Variants in BNC2 observed in about 807,000 individuals in gnomAD.
BNC2 encodes zinc finger protein basonuclin-2.
Under a neutral mutation model 76.3 loss-of-function variants are expected in BNC2, and 20 were observed. The observed-to-expected ratio is 0.26, with a 90% CI of 0.18 to 0.38. BNC2 has a LOEUF of 0.38. Among genes scored for constraint, BNC2 ranks in the 10% least tolerant of loss-of-function variants. The pLI is 1.00. For missense variants in BNC2, 1,382 were observed against 1,399.8 expected (o/e 0.99, Z 0.20); for synonymous variants, 582 against 514.8 (o/e 1.13, Z -1.77).
intron 1 of BNC2, among the ~76,000 whole-genome samples, chr9:16,811,237 A>AAAAAAAAAAAAAAAAAAAACC (rs796981394): frequency 6.9e-6 from 1 of 145,248 alleles, no homozygotes; most frequent in African/African-American, 2.7e-5. Flanking sequence ...GACCAAAAAA[A>AAAAAAAAAAAAAAAAAAAACC]AAAAAAACCA....
chr9:16,496,339 T>G (rs1177067956), intron 5 of BNC2, among the ~76,000 whole-genome samples: 4 of 152,214 alleles, frequency 2.6e-5, no homozygotes, highest in African/African-American at 9.6e-5. Flanking sequence ...AGTCTACATT[T>G]TCTCCCTAGT....
intron 3 of BNC2, among the ~76,000 whole-genome samples, chr9:16,725,126 C>A (rs1824271266): frequency 6.6e-6 from 1 of 151,918 alleles, no homozygotes. Flanking sequence ...GTAACAAAAA[C>A]TAGCGTAACT....
At chr9:16,659,835 T>C (rs1822056742) in intron 3 of BNC2, among the ~76,000 whole-genome samples, 1 of 152,150 alleles carries the variant, frequency 6.6e-6, no homozygotes, top group East Asian at 1.9e-4. Context: ...TCTCTGCTTT[T>C]TTCTTCATAG....
chr9:16,564,945 A>T (rs1819126810), intron 4 of BNC2, among the ~76,000 whole-genome samples: 1 of 152,032 alleles, frequency 6.6e-6, no homozygotes, highest in Non-Finnish European at 1.5e-5. Flanking sequence ...ATCTCTGACT[A>T]CTTTCCCTTG....
intron 3 of BNC2, among the ~76,000 whole-genome samples, chr9:16,683,402 C>A (rs531398378): frequency 6.6e-6 from 1 of 152,286 alleles, no homozygotes; most frequent in East Asian, 1.9e-4. Flanking sequence ...CAAACCGCTG[C>A]TCCTAAATTG....
At chr9:16,693,951 T>C (rs541001828) in intron 3 of BNC2, among the ~76,000 whole-genome samples, 2 of 152,354 alleles carry the variant, frequency 1.3e-5, no homozygotes, top group East Asian at 3.9e-4. Context: ...CTTCTCTACC[T>C]ATCTTTCCGC....
chr9:16,508,882 G>T, intron 5 of BNC2, among the ~76,000 whole-genome samples: 1 of 151,152 alleles, frequency 6.6e-6, no homozygotes, highest in East Asian at 2.0e-4. Flanking sequence ...GGGTGCAGTG[G>T]CACAATTAGC....
At chr9:16,737,138 C>T (rs1824696349) in intron 2 of BNC2, among the ~76,000 whole-genome samples, 1 of 151,116 alleles carries the variant, frequency 6.6e-6, no homozygotes, top group South Asian at 2.1e-4. Context: ...TAGGATCTTG[C>T]TCTATCGCCC....
intron 3 of BNC2, among the ~76,000 whole-genome samples, chr9:16,647,024 G>A (rs935202735): frequency 6.6e-6 from 1 of 152,092 alleles, no homozygotes; most frequent in African/African-American, 2.4e-5. Flanking sequence ...TATTACATGT[G>A]GGGGAAAGGG....
intron 5 of BNC2, among the ~76,000 whole-genome samples, chr9:16,497,814 C>T (rs1421827933): frequency 2.6e-5 from 4 of 151,922 alleles, no homozygotes; most frequent in Non-Finnish European, 5.9e-5. Context: ...TACAGAAAAA[C>T]GCAGGTTAGC....
intron 4 of BNC2, chr9:16,580,160 G>A: frequency 2.5e-6 from 1 of 398,584 alleles, no homozygotes. Context: ...TGTGCAGAGA[G>A]AGGGAATGAA....
intron 4 of BNC2, among the ~76,000 whole-genome samples, chr9:16,557,992 T>C (rs1031564124): frequency 7.9e-5 from 12 of 152,024 alleles, no homozygotes; most frequent in Non-Finnish European, 1.5e-4. Flanking sequence ...TAGAGGTGCA[T>C]GCCACCATAC....
At position 16,830,583 on chromosome 9, in the gene BNC2, T is replaced by G. The variant is rs1187840909; in HGVS notation, c.3+40063A>C. Among the ~76,000 whole-genome samples the G allele has an allele frequency of 2.0e-5, 3 of 152,210 alleles. No individual in the cohort carries two copies. In the East Asian group the frequency reaches 5.8e-4, roughly 29 times the overall value. ...TTTTTGATCCACGGTTGGTTGAATCTGCGGGCGCAGAAACCATGGATACAG... is the reference window on the plus strand; with the variant it reads ...TTTTTGATCCACGGTTGGTTGAATCGGCGGGCGCAGAAACCATGGATACAG... On this transcript the variant is annotated intron_variant, in intron 1 of 6. Transcript: ENST00000380672.
chr9:16,865,104 T>C (rs1819512106), intron 1 of BNC2, among the ~76,000 whole-genome samples: 1 of 150,746 alleles, frequency 6.6e-6, no homozygotes, highest in Non-Finnish European at 1.5e-5. Flanking sequence ...GTAAGGTCAT[T>C]ATAAGAGAAA....
At chr9:16,686,394 AT>A (rs1318264766) in intron 3 of BNC2, among the ~76,000 whole-genome samples, 1 of 152,090 alleles carries the variant, frequency 6.6e-6, no homozygotes, top group Admixed American at 6.6e-5. Context: ...TTCATTTCAG[AT>A]TTTTTTAAGA....
intron 1 of BNC2, among the ~76,000 whole-genome samples, chr9:16,833,338 G>A (rs1452117374): frequency 6.6e-6 from 1 of 152,050 alleles, no homozygotes; most frequent in African/African-American, 2.4e-5. Context: ...CATTTTACCA[G>A]GATCGTCAAA....
chr9:16,564,061 G>A (rs1265135789), intron 4 of BNC2, among the ~76,000 whole-genome samples: 1 of 152,092 alleles, frequency 6.6e-6, no homozygotes, highest in Non-Finnish European at 1.5e-5. Context: ...GTTATTTGGG[G>A]GAAAAGGAGT....
At chr9:16,653,776 C>G (rs2133973466) in intron 3 of BNC2, among the ~76,000 whole-genome samples, 2 of 152,254 alleles carry the variant, frequency 1.3e-5, no homozygotes, top group Middle Eastern at 6.8e-3. Flanking sequence ...AGAAAAGAAT[C>G]AATACTTTTG....
At chr9:16,682,290 T>C (rs1323184344) in intron 3 of BNC2, among the ~76,000 whole-genome samples, 1 of 151,264 alleles carries the variant, frequency 6.6e-6, no homozygotes, top group Non-Finnish European at 1.5e-5. Context: ...CAAAATTAAT[T>C]AACTTCTCCA....
Sources: gnomAD v4.1 joint callset for allele counts (sites outside exome capture counted in the v4.1 genomes callset) on GRCh38, gnomAD v4.1.1 for gene constraint, MANE v1.5 for transcripts, NCBI Gene and HGNC (gene_info 2026-07-23, HGNC 2026-07-21) for gene names.